The following TNRC18 variants were observed in gnomAD, a reference collection of about 807,000 sequenced individuals.
The protein encoded by TNRC18 is trinucleotide repeat containing 18.
A neutral mutation model predicts 226.7 loss-of-function variants in TNRC18; 69 were observed. The ratio of observed to expected loss-of-function variants is 0.30; its 90% CI spans 0.25 to 0.37. TNRC18 has a LOEUF of 0.37. TNRC18 is among the 10% of genes least tolerant of loss of function. The pLI, the probability that TNRC18 is intolerant of heterozygous loss-of-function variation, is 1.00. For synonymous variants in TNRC18, 2,449 were observed against 1,927.6 expected (o/e 1.27, Z -7.09); for missense variants, 4,754 against 4,256.6 (o/e 1.12, Z -3.25).
chr7:5,308,479 C>CAG (rs1338424209), intron 29 of TNRC18, among the ~76,000 whole-genome samples, 167 bp from the exon 30 acceptor site: 1 of 151,862 alleles, frequency 6.6e-6, no homozygotes, highest in African/African-American at 2.4e-5. Context: ...AAAAGAGAGA[C>CAG]AGAGACCGAG....
At chr7:5,355,433 G>T (rs1350199468) in intron 16 of TNRC18, among the ~76,000 whole-genome samples, 1 of 152,108 alleles carries the variant, frequency 6.6e-6, no homozygotes, top group East Asian at 1.9e-4. Flanking sequence ...TTTAAGACCA[G>T]CATGGGCAAC....
chr7:5,389,021 T>A lies in TNRC18; in HGVS notation c.803A>T (p.Glu268Val). Residue 268 changes from glutamate to valine, a missense_variant, in exon 5 of 30, where the codon GAG becomes GTG. Physicochemically the swap from Glu to Val is moderately radical, Grantham distance 121. Transcript: ENST00000430969. ...CAGCGCCGCATTCTTGGTCTTGGACTCAGCCAGGAAGGGCGACAGGCGCTC... is the reference window on the plus strand; with the variant it reads ...CAGCGCCGCATTCTTGGTCTTGGACACAGCCAGGAAGGGCGACAGGCGCTC... Reference protein sequence around the residue: ...LAERLSPFLAESKTKNAALQP... With the variant: ...LAERLSPFLAVSKTKNAALQP... 7.5e-7 allele frequency: 1 copy of A among 1,327,822 alleles called. No homozygotes were observed. Among genetic ancestry groups the A allele is most frequent in the South Asian group, 1.7e-5 (1 of 60,318 alleles). 82.3% of individuals were successfully genotyped at this position (1,327,822 alleles called of 1,614,324 possible). A position where few individuals can be genotyped will look rare whatever the true frequency, so the allele number is the denominator to read the frequency against.
intron 11 of TNRC18, among the ~76,000 whole-genome samples, chr7:5,369,384 G>A (rs572741018): frequency 2.0e-5 from 3 of 152,220 alleles, no homozygotes; most frequent in East Asian, 3.9e-4. Flanking sequence ...AGCATGAACC[G>A]CAGTCAGCCC....
At chr7:5,389,461 G>GTTTTGGTTTTTTTGTTTTGTTTTGTTTTT (rs1554297478) in intron 4 of TNRC18, 125 bp from the exon 5 acceptor site, 1 of 519,650 alleles carries the variant, frequency 1.9e-6, no homozygotes, top group African/African-American at 2.8e-5. Context: ...TTTGGTTTTG[G>GTTTTGGTTTTTTTGTTTTGTTTTGTTTTT]TTTTTTTTTT....
intron 11 of TNRC18, 117 bp from the exon 12 acceptor site, chr7:5,362,942 G>T: frequency 2.8e-6 from 3 of 1,070,716 alleles, no homozygotes; most frequent in Non-Finnish European, 3.9e-6. Flanking sequence ...ATCCCCCAAG[G>T]TGCTGAGTAG....
Position 5,361,985 on chromosome 7 carries a change from C to G in TNRC18, c.4444G>C (p.Asp1482His). 6.2e-7 allele frequency: 1 copy of G among 1,613,608 alleles called. No individual in the cohort carries two copies. Among genetic ancestry groups the G allele is most frequent in the Non-Finnish European group, 8.5e-7 (1 of 1,179,790 alleles). ...SLEDMDALEL[D>H]FRMRLAEVQR... is the part of the protein sequence containing the mutation. ...ACCTCGGCCAGCCGCATCCGGAAGT[C>G]CAGCTCCAGGGCGTCCATGTCCTCC... Residue 1482 changes from aspartate (D) to histidine (H), a missense_variant, in exon 13 of 30, where the codon GAC becomes CAC. Coordinates refer to ENST00000430969, the MANE Select transcript of TNRC18 (RefSeq NM_001080495.3).
chr7:5,325,000 G>A lies in TNRC18; in HGVS notation c.6300+96C>T. 8 of 1,394,330 alleles carry A rather than the reference G, an allele frequency of 5.7e-6. No individual in the cohort carries two copies. Among genetic ancestry groups the A allele is most frequent in the Non-Finnish European group, 7.7e-6 (8 of 1,041,032 alleles). 86.4% of individuals were successfully genotyped at this position (1,394,330 alleles called of 1,614,324 possible). ...CCTCTCTGAGCCACAGCTATAGGGAGGGTGAATACAGAGGAGCAGGTGGAG... is the reference window on the plus strand; with the variant it reads ...CCTCTCTGAGCCACAGCTATAGGGAAGGTGAATACAGAGGAGCAGGTGGAG... On this transcript the variant is annotated intron_variant, in intron 20 of 29. Transcript: ENST00000430969. This position sits in a 1 kb window ranked among gnomAD's most constrained non-coding sequence, Gnocchi z 4.8.
intron 2 of TNRC18, among the ~76,000 whole-genome samples, chr7:5,407,853 G>C (rs1321068666): frequency 6.6e-6 from 1 of 152,120 alleles, no homozygotes; most frequent in African/African-American, 2.4e-5. Flanking sequence ...GGTAGGGGTG[G>C]AGGGCCTTCT....
At chr7:5,368,351 A>C (rs1793817788) in intron 11 of TNRC18, among the ~76,000 whole-genome samples, 1 of 151,742 alleles carries the variant, frequency 6.6e-6, no homozygotes, top group African/African-American at 2.4e-5. Flanking sequence ...GCTTTGAAAA[A>C]TGTTTAATAA....
At position 5,394,682 on chromosome 7, in the gene TNRC18, G is replaced by T; in HGVS notation, c.188-87C>A. ...CCACCGCCCCGACCCACCGCCCCGAGACCGCCGCCTCTCCCCAGCTGTGTG... is the reference window on the plus strand; with the variant it reads ...CCACCGCCCCGACCCACCGCCCCGATACCGCCGCCTCTCCCCAGCTGTGTG... On this transcript the variant is annotated intron_variant, in intron 2 of 29. Coordinates refer to ENST00000430969, the MANE Select transcript of TNRC18 (RefSeq NM_001080495.3). The surrounding 1 kb of genome is among the most constrained non-coding windows in gnomAD (Gnocchi z 4.5). 1 of 980,696 alleles carries T rather than the reference G, an allele frequency of 1.0e-6. No homozygotes were observed. Among genetic ancestry groups the T allele is most frequent in the Non-Finnish European group, 1.5e-6 (1 of 670,214 alleles). The allele number at this position is 980,696 out of a possible 1,614,324, so 60.7% of individuals were successfully genotyped here.
intron 2 of TNRC18, among the ~76,000 whole-genome samples, chr7:5,399,563 G>A (rs181965616): frequency 7.9e-5 from 12 of 151,914 alleles, no homozygotes; most frequent in South Asian, 4.2e-4. Context: ...AAAATTAGCC[G>A]GGCGTGGTGG....
intron 2 of TNRC18, among the ~76,000 whole-genome samples, chr7:5,410,791 G>A (rs915990751): frequency 3.4e-5 from 5 of 149,172 alleles, no homozygotes; most frequent in African/African-American, 7.5e-5. Flanking sequence ...TGAACCCGTG[G>A]TGGAGGTTGC....
At chr7:5,368,916 T>C (rs1020061681) in intron 11 of TNRC18, among the ~76,000 whole-genome samples, 1 of 152,096 alleles carries the variant, frequency 6.6e-6, no homozygotes, top group African/African-American at 2.4e-5. Flanking sequence ...TCAGTGCCCT[T>C]TCTGCTGAAG....
intron 2 of TNRC18, among the ~76,000 whole-genome samples, chr7:5,400,112 G>A (rs1355817205): frequency 1.3e-5 from 2 of 152,032 alleles, no homozygotes; most frequent in Non-Finnish European, 2.9e-5. Context: ...GAAGTCTGGG[G>A]TCTAGAATTC....
Position 5,357,302 on chromosome 7 carries a change from T to C in TNRC18, c.4834-26A>G, listed in dbSNP as rs1345704385. ...CTGGAGAGGGAAGGTGGGTCATGGGTTAAAAGATCTGACAAAACAGTATAG... is the reference window on the plus strand; with the variant it reads ...CTGGAGAGGGAAGGTGGGTCATGGGCTAAAAGATCTGACAAAACAGTATAG... On this transcript the variant is annotated intron_variant, in intron 15 of 29. Coordinates refer to ENST00000430969, the MANE Select transcript of TNRC18 (RefSeq NM_001080495.3). 49 of 1,589,896 alleles carry C rather than the reference T, an allele frequency of 3.1e-5. 1 individual carries two copies. Among genetic ancestry groups the C allele is most frequent in the Non-Finnish European group, 4.2e-5 (49 of 1,166,948 alleles).
intron 10 of TNRC18, 126 bp from the exon 11 acceptor site, chr7:5,371,490 G>A: frequency 1.6e-6 from 2 of 1,260,306 alleles, no homozygotes; most frequent in Non-Finnish European, 2.1e-6. Context: ...CCAGCTACAG[G>A]GTGGGAGCTG....
At chr7:5,371,624 C>G (rs1794166926) in intron 10 of TNRC18, among the ~76,000 whole-genome samples, 1 of 152,212 alleles carries the variant, frequency 6.6e-6, no homozygotes, top group East Asian at 1.9e-4. Context: ...CTCTCTTGTT[C>G]CTTTCCCACT....
intron 2 of TNRC18, among the ~76,000 whole-genome samples, chr7:5,414,060 C>T (rs1460939965): frequency 6.6e-6 from 1 of 151,608 alleles, no homozygotes; most frequent in Non-Finnish European, 1.5e-5. Flanking sequence ...GATTCTCCTG[C>T]CTCAGCCTCC....
At chr7:5,315,871 C>CAG in intron 25 of TNRC18, 85 bp downstream of exon 25, 1 of 1,022,594 alleles carries the variant, frequency 9.8e-7, no homozygotes, top group Non-Finnish European at 1.4e-6. Flanking sequence ...TGACTTCAGA[C>CAG]AGAGCTCAGA....
Sources: allele counts gnomAD v4.1 joint callset (sites outside exome capture counted in the v4.1 genomes callset), GRCh38; gene constraint gnomAD v4.1.1; non-coding constraint Gnocchi (gnomAD v3.1); transcripts MANE v1.5; gene names NCBI Gene and HGNC (gene_info 2026-07-23, HGNC 2026-07-21).